Variants in RANBP2 observed in about 807,000 individuals in gnomAD.
The protein encoded by RANBP2 is RAN binding protein 2.
RANBP2 carries 57 observed loss-of-function variants against 303.6 expected under a neutral mutation model. The observed-to-expected ratio is 0.19, with a 90% CI of 0.15 to 0.23. The LOEUF (loss-of-function observed/expected upper bound fraction) is 0.23, where lower values mean the gene tolerates loss of function less well. RANBP2 is among the 10% of genes least tolerant of loss of function. The pLI is 1.00. For missense variants in RANBP2, 3,138 were observed against 3,780.8 expected, an observed-to-expected ratio of 0.83 and a Z score of 4.46; for synonymous variants, 1,167 against 1,301.5, an observed-to-expected ratio of 0.90 and a Z score of 2.23.
the RANBP2 span, among the ~76,000 whole-genome samples, chr2:109,493,035 CACAT>C: frequency 1.3e-5 from 2 of 151,998 alleles, no homozygotes; most frequent in African/African-American, 2.4e-5. Flanking sequence ...ACCATACAAA[CACAT>C]ACCCCACATA....
chr2:109,402,548 C>T, the RANBP2 span, among the ~76,000 whole-genome samples: 1 of 152,262 alleles, frequency 6.6e-6, no homozygotes, highest in African/African-American at 2.4e-5. Context: ...TCGGTGCCTA[C>T]AGCATGGGGC....
At chr2:109,243,902 G>T in the RANBP2 span, among the ~76,000 whole-genome samples, 1 of 152,222 alleles carries the variant, frequency 6.6e-6, no homozygotes, top group Non-Finnish European at 1.5e-5. Context: ...AGTAGTGAGT[G>T]AGAGAGGCTT....
At chr2:109,197,561 G>GAATC in the RANBP2 span, among the ~76,000 whole-genome samples, 4 of 152,256 alleles carry the variant, frequency 2.6e-5, no homozygotes, top group Non-Finnish European at 5.9e-5. Flanking sequence ...GGTGGCCGGG[G>GAATC]AGGGGTGGGA....
the RANBP2 span, among the ~76,000 whole-genome samples, chr2:109,210,183 C>A: frequency 2.6e-5 from 4 of 152,208 alleles, no homozygotes; most frequent in Non-Finnish European, 1.5e-5. Context: ...GGCTAGACCA[C>A]ATTTTGTGTA....
At chr2:109,051,599 G>T in the RANBP2 span, among the ~76,000 whole-genome samples, 2 of 152,166 alleles carry the variant, frequency 1.3e-5, no homozygotes, top group East Asian at 3.9e-4. Context: ...AAGAGGGAGA[G>T]GGGTAGTTAC....
At chr2:108,823,528 ACCAG>A in the RANBP2 span, among the ~76,000 whole-genome samples, 1 of 152,224 alleles carries the variant, frequency 6.6e-6, no homozygotes, top group South Asian at 2.1e-4. Flanking sequence ...ATAGCCTACT[ACCAG>A]CCTAGGCTAT....
chr2:108,804,898 G>T, the RANBP2 span: 1 of 1,553,520 alleles, frequency 6.4e-7, no homozygotes, highest in Non-Finnish European at 8.6e-7. Flanking sequence ...GCAGCATGAT[G>T]CAGAAGTTGA....
the RANBP2 span, among the ~76,000 whole-genome samples, chr2:109,001,950 T>C: frequency 6.6e-6 from 1 of 152,096 alleles, no homozygotes; most frequent in Non-Finnish European, 1.5e-5. Flanking sequence ...CAGGATGGTC[T>C]CGATCTCCTG....
chr2:109,381,590 C>T, the RANBP2 span, among the ~76,000 whole-genome samples: 1 of 152,178 alleles, frequency 6.6e-6, no homozygotes, highest in East Asian at 1.9e-4. Flanking sequence ...TTCCCTTTCA[C>T]TTCTACCTTT....
the RANBP2 span, among the ~76,000 whole-genome samples, chr2:108,958,838 T>C: frequency 2.6e-5 from 4 of 152,232 alleles, no homozygotes; most frequent in South Asian, 4.1e-4. Context: ...CAGCCAGAGA[T>C]AGTGGGCTCT....
chr2:109,162,355 CCT>C, the RANBP2 span, among the ~76,000 whole-genome samples: 1 of 152,128 alleles, frequency 6.6e-6, no homozygotes, highest in Non-Finnish European at 1.5e-5. Flanking sequence ...GAGAGCCGGG[CCT>C]CTCTCATTTT....
the RANBP2 span, chr2:109,552,970 C>T: frequency 1.7e-6 from 2 of 1,152,972 alleles, no homozygotes; most frequent in East Asian, 2.4e-5. Context: ...GGAAAAGCTA[C>T]TCTTTAAAGA....
the RANBP2 span, among the ~76,000 whole-genome samples, chr2:109,415,084 T>C: frequency 6.6e-6 from 1 of 152,186 alleles, no homozygotes; most frequent in Non-Finnish European, 1.5e-5. Flanking sequence ...GACGTGGCAC[T>C]GCTTGCCTTA....
chr2:109,529,177 G>A, the RANBP2 span, among the ~76,000 whole-genome samples: 12 of 152,308 alleles, frequency 7.9e-5, no homozygotes, highest in African/African-American at 2.6e-4. Context: ...GGTCCTGGAT[G>A]GGCTCAGGGA....
At chr2:109,018,889 G>A in the RANBP2 span, among the ~76,000 whole-genome samples, 1 of 152,336 alleles carries the variant, frequency 6.6e-6, no homozygotes, top group Middle Eastern at 3.4e-3. Flanking sequence ...GAGAGTAAGT[G>A]TTTGCTCACC....
At chr2:109,207,059 T>C in the RANBP2 span, among the ~76,000 whole-genome samples, 1 of 152,126 alleles carries the variant, frequency 6.6e-6, no homozygotes, top group Admixed American at 6.5e-5. Context: ...CATGCTCATT[T>C]GGAGGAGAGG....
chr2:109,399,806 G>A, the RANBP2 span, among the ~76,000 whole-genome samples: 1 of 152,186 alleles, frequency 6.6e-6, no homozygotes, highest in Non-Finnish European at 1.5e-5. Context: ...CCAGTGCCCG[G>A]CAGGGTGACC....
the RANBP2 span, among the ~76,000 whole-genome samples, chr2:109,499,056 C>A: frequency 6.6e-6 from 1 of 152,164 alleles, no homozygotes; most frequent in Non-Finnish European, 1.5e-5. Flanking sequence ...GCCCTCTGAG[C>A]CTTTGCCCAA....
the RANBP2 span, among the ~76,000 whole-genome samples, chr2:109,099,654 G>C: frequency 6.6e-6 from 1 of 151,874 alleles, no homozygotes; most frequent in African/African-American, 2.4e-5. Flanking sequence ...TGTTGTTGCT[G>C]TGGCTCTTAT....
Sources: allele counts gnomAD v4.1 joint callset (sites outside exome capture counted in the v4.1 genomes callset), GRCh38; gene constraint gnomAD v4.1.1; transcripts MANE v1.5; gene names NCBI Gene and HGNC (gene_info 2026-07-23, HGNC 2026-07-21).